RAI14: variants seen among roughly 807,000 people sequenced by gnomAD.
RAI14 encodes the protein ankycorbin.
Under a neutral mutation model 115.4 loss-of-function variants are expected in RAI14, and 45 were observed. That is an observed-to-expected ratio of 0.39 (90% CI 0.31 to 0.50). The LOEUF (loss-of-function observed/expected upper bound fraction) is 0.50. RAI14 is among the 20% of genes least tolerant of loss of function. The pLI, the probability that RAI14 is intolerant of heterozygous loss-of-function variation, is 0.85. For synonymous variants in RAI14, 371 were observed against 415.4 expected (o/e 0.89, Z 1.30); for missense variants, 939 against 1,131.2 (o/e 0.83, Z 2.44).
chr5:34,799,382 T>C (rs1255227683), intron 4 of RAI14, among the ~76,000 whole-genome samples: 1 of 152,076 alleles, frequency 6.6e-6, no homozygotes, highest in African/African-American at 2.4e-5. Flanking sequence ...GCCACTTTAT[T>C]ACTGAGATGC....
At chr5:34,770,607 C>T (rs1345515421) in intron 3 of RAI14, among the ~76,000 whole-genome samples, 2 of 152,184 alleles carry the variant, frequency 1.3e-5, no homozygotes, top group East Asian at 3.9e-4. Context: ...GTGAGGGATT[C>T]AGCTGCGTAC....
rs1472665155 is a variant in RAI14, at chr5:34,791,663, G to A, written c.168-4276G>A. Among the ~76,000 whole-genome samples, 1 of 152,186 alleles carries A rather than the reference G, an allele frequency of 6.6e-6. No homozygotes were observed. Among genetic ancestry groups the A allele is most frequent in the Admixed American group, 6.5e-5 (1 of 15,276 alleles). ...TAGCATCAAATAGGATAATTGATGA[G>A]AGCTTAAGAAAGGAACTATTTACAA... On this transcript the variant is annotated intron_variant, in intron 3 of 17. Coordinates refer to ENST00000265109, the MANE Select transcript of RAI14 (RefSeq NM_015577.3). This position sits in a 1 kb window ranked among gnomAD's most constrained non-coding sequence, Gnocchi z 5.4.
intron 2 of RAI14, among the ~76,000 whole-genome samples, chr5:34,711,718 C>T (rs1867713): frequency 0.59 from 89,645 of 151,990 alleles, 27,638 homozygotes; most frequent in African/African-American, 0.78. Flanking sequence ...ATCAGGCTTT[C>T]ACCAGACACC....
At chr5:34,665,328 G>C (rs940375731) in intron 1 of RAI14, among the ~76,000 whole-genome samples, 3 of 149,852 alleles carry the variant, frequency 2.0e-5, no homozygotes, top group Non-Finnish European at 1.5e-5. Context: ...CTAACAAGCA[G>C]CATCTACCTC....
chr5:34,657,606 CA>C, intron 1 of RAI14, among the ~76,000 whole-genome samples: 1 of 152,362 alleles, frequency 6.6e-6, no homozygotes, highest in Admixed American at 6.5e-5. Context: ...CGCCGCAGCT[CA>C]CGCATGATCG....
At chr5:34,810,604 T>A (rs1424448534) in intron 7 of RAI14, among the ~76,000 whole-genome samples, 1 of 152,182 alleles carries the variant, frequency 6.6e-6, no homozygotes, top group African/African-American at 2.4e-5. Context: ...GCACTGGGAA[T>A]AAGCTGCCTA....
intron 13 of RAI14, among the ~76,000 whole-genome samples, chr5:34,819,855 G>C (rs1274386893): frequency 6.6e-6 from 1 of 152,080 alleles, no homozygotes; most frequent in Non-Finnish European, 1.5e-5. Context: ...CTCCCACCTT[G>C]GCCCCCCATA....
chr5:34,684,803 G>C (rs1744677804), intron 1 of RAI14: 1 of 152,226 alleles, frequency 6.6e-6, no homozygotes, highest in African/African-American at 2.4e-5. Context: ...TAATTAGGAT[G>C]TGGGGGAATG....
chr5:34,801,000 T>G (rs1754193801), intron 4 of RAI14, among the ~76,000 whole-genome samples: 1 of 152,240 alleles, frequency 6.6e-6, no homozygotes, highest in South Asian at 2.1e-4. Flanking sequence ...AAGTGATGGT[T>G]GGAGGGCCAA....
chr5:34,659,551 G>A (rs1214295700), intron 1 of RAI14, among the ~76,000 whole-genome samples: 1 of 152,112 alleles, frequency 6.6e-6, no homozygotes, highest in Admixed American at 6.5e-5. Context: ...CACTGTGCCT[G>A]GCCTAGTTTT....
intron 2 of RAI14, among the ~76,000 whole-genome samples, chr5:34,752,788 G>C (rs1399008605): frequency 7.6e-6 from 1 of 132,072 alleles, no homozygotes; most frequent in African/African-American, 2.9e-5. Flanking sequence ...TTTTTTTTGA[G>C]ACAAGGTCTT....
In RAI14 at chr5:34,764,570, T is replaced by TCA. The variant is rs1199884298; in HGVS notation, c.167+6979_167+6980dup. ...CTCTCTCTCTCTCTCTCTCTCTCTC[T>TCA]CACACACAAATACATCCCTGTATAC... On this transcript the variant is annotated intron_variant, in intron 3 of 17. Transcript: ENST00000265109. 3.6e-3 allele frequency among the ~76,000 whole-genome samples: 536 copies of TCA among 150,330 alleles called. 1 individual carries two copies. The highest frequency in any genetic ancestry group is 0.01 in the Middle Eastern group (3 of 290).
Position 34,811,772 on chromosome 5 carries a change from C to A in RAI14, c.563C>A (p.Ala188Asp). 6.2e-7 allele frequency: 1 copy of A among 1,611,890 alleles called. No homozygotes were observed. The highest frequency in any genetic ancestry group is 8.5e-7 in the Non-Finnish European group (1 of 1,179,512). ...VNSRNKSGRT[A>D]LMLACEIGSS... ...GTGTCTCTTTTTTCCTTTAGAACTG[C>A]TCTCATGCTGGCCTGTGAGATTGGC... Residue 188 changes from alanine to aspartate, a missense_variant, in exon 9 of 18, where the codon GCT (alanine) becomes GAT (aspartate). Physicochemically the swap from Ala to Asp is moderately radical, Grantham distance 126. Transcript: ENST00000265109.
intron 2 of RAI14, among the ~76,000 whole-genome samples, chr5:34,752,005 C>T (rs6866508): frequency 0.12 from 18,478 of 152,100 alleles, 3,183 homozygotes; most frequent in African/African-American, 0.38. Context: ...ACCCCAGACT[C>T]CTGGGGTCAG....
At chr5:34,743,644 C>T (rs757680281) in intron 2 of RAI14, among the ~76,000 whole-genome samples, 1 of 152,164 alleles carries the variant, frequency 6.6e-6, no homozygotes, top group Non-Finnish European at 1.5e-5. Context: ...TCTTGGACTC[C>T]TACCCTAACC....
At chr5:34,711,161 G>A (rs1003650860) in intron 2 of RAI14, among the ~76,000 whole-genome samples, 2 of 152,196 alleles carry the variant, frequency 1.3e-5, no homozygotes, top group African/African-American at 2.4e-5. Context: ...CAACCAAACA[G>A]GCTTTATGTG....
intron 12 of RAI14, among the ~76,000 whole-genome samples, chr5:34,816,848 C>T (rs1301666784): frequency 6.6e-6 from 1 of 151,328 alleles, no homozygotes; most frequent in Non-Finnish European, 1.5e-5. Flanking sequence ...GCAGTGCAAT[C>T]CGAAGAATAT....
intron 2 of RAI14, among the ~76,000 whole-genome samples, chr5:34,748,497 A>G (rs1454304604): frequency 6.6e-6 from 1 of 152,146 alleles, no homozygotes; most frequent in African/African-American, 2.4e-5. Flanking sequence ...TTTAATTTAA[A>G]TATTACTTCT....
At chr5:34,757,442 C>G (rs374021433) in intron 2 of RAI14, 26 bp from the exon 3 acceptor site, 3 of 1,611,156 alleles carry the variant, frequency 1.9e-6, no homozygotes, top group Non-Finnish European at 1.7e-6. Flanking sequence ...TTGTTCATGA[C>G]CTCTGTTTCT....
Sources: allele counts gnomAD v4.1 joint callset (sites outside exome capture counted in the v4.1 genomes callset), GRCh38; gene constraint gnomAD v4.1.1; non-coding constraint Gnocchi (gnomAD v3.1); transcripts MANE v1.5; gene names NCBI Gene and HGNC (gene_info 2026-07-23, HGNC 2026-07-21).